The following COL23A1 variants were observed in gnomAD, a reference collection of about 807,000 sequenced individuals.
COL23A1 encodes collagen type XXIII alpha 1 chain, also known as collagen alpha-1(XXIII) chain.
A neutral mutation model predicts 99.3 loss-of-function variants in COL23A1; 97 were observed. That is an observed-to-expected ratio of 0.98 (90% CI 0.83 to 1.16). The LOEUF (loss-of-function observed/expected upper bound fraction) is 1.16. COL23A1 is among the 50% of genes most tolerant of loss of function. The probability of loss-of-function intolerance (pLI) is 0.00; values close to 1 mark genes in which losing one functional copy is unlikely to be tolerated. For synonymous variants in COL23A1, 320 were observed against 308.2 expected (o/e 1.04, Z -0.40); for missense variants, 762 against 757.4 (o/e 1.01, Z -0.07).
At chr5:178,336,894 A>G (rs1760351518) in intron 2 of COL23A1, among the ~76,000 whole-genome samples, 1 of 152,180 alleles carries the variant, frequency 6.6e-6, no homozygotes, top group Non-Finnish European at 1.5e-5. Context: ...AAAAAAGGCA[A>G]AGCTGAAACA....
chr5:178,407,381 C>T (rs563955704), intron 2 of COL23A1, among the ~76,000 whole-genome samples: 21 of 152,318 alleles, frequency 1.4e-4, no homozygotes, highest in Non-Finnish European at 2.9e-4. Context: ...CAAGATTTAA[C>T]AAAATCCAGA....
At chr5:178,587,680 A>T (rs903591720) in intron 1 of COL23A1, among the ~76,000 whole-genome samples, 2 of 152,198 alleles carry the variant, frequency 1.3e-5, no homozygotes, top group East Asian at 3.8e-4. Context: ...TTCAATATTT[A>T]TTTGGCTTTC....
intron 2 of COL23A1, among the ~76,000 whole-genome samples, chr5:178,414,786 A>T (rs556185570): frequency 6.6e-6 from 1 of 152,294 alleles, no homozygotes; most frequent in South Asian, 2.1e-4. Flanking sequence ...AAAAAAGGCA[A>T]CCAGGAAAGC....
intron 15 of COL23A1, 98 bp downstream of exon 15, chr5:178,256,255 C>T: frequency 2.6e-6 from 2 of 783,906 alleles, no homozygotes; most frequent in Non-Finnish European, 3.7e-6. Flanking sequence ...CCTGTAGCTC[C>T]ACTGCTCCTC....
At chr5:178,506,437 T>C (rs1457315919) in intron 2 of COL23A1, among the ~76,000 whole-genome samples, 1 of 151,894 alleles carries the variant, frequency 6.6e-6, no homozygotes, top group African/African-American at 2.4e-5. Context: ...GCAGAAGCCA[T>C]GGATATAGCC....
chr5:178,300,940 G>T (rs1373427582), intron 3 of COL23A1, among the ~76,000 whole-genome samples: 1 of 152,108 alleles, frequency 6.6e-6, no homozygotes. Flanking sequence ...TATCATCCTT[G>T]GAGTTTGTTG....
intron 3 of COL23A1, among the ~76,000 whole-genome samples, chr5:178,297,355 T>C (rs951183320): frequency 6.6e-6 from 1 of 152,142 alleles, no homozygotes; most frequent in Non-Finnish European, 1.5e-5. Flanking sequence ...AACCCATCTA[T>C]ACTAAAACAA....
intron 11 of COL23A1, among the ~76,000 whole-genome samples, chr5:178,261,518 G>A (rs190235614): frequency 5.0e-4 from 76 of 152,326 alleles, no homozygotes; most frequent in Admixed American, 3.9e-3. Flanking sequence ...GGCAGGAAAG[G>A]TTTACTGTGC....
intron 2 of COL23A1, among the ~76,000 whole-genome samples, chr5:178,485,706 TG>T (rs2127959635): frequency 7.2e-6 from 1 of 139,082 alleles, no homozygotes; most frequent in South Asian, 2.3e-4. Flanking sequence ...CACCTGAATC[TG>T]GGAGGTGGAG....
At chr5:178,532,871 A>G (rs893254423) in intron 2 of COL23A1, among the ~76,000 whole-genome samples, 1 of 152,186 alleles carries the variant, frequency 6.6e-6, no homozygotes, top group East Asian at 1.9e-4. Flanking sequence ...CCTACAAGCC[A>G]GGAAGAGAGG....
chr5:178,510,970 CT>C (rs1759173693), intron 2 of COL23A1, among the ~76,000 whole-genome samples: 1 of 152,086 alleles, frequency 6.6e-6, no homozygotes, highest in Admixed American at 6.5e-5. Context: ...TTATTTCACC[CT>C]AGGTAAGAAA....
chr5:178,573,794 C>T (rs925797877), intron 1 of COL23A1, among the ~76,000 whole-genome samples: 11 of 151,908 alleles, frequency 7.2e-5, no homozygotes, highest in Admixed American at 5.2e-4. Context: ...ATGAATAAAT[C>T]TCAAAAGCAC....
intron 2 of COL23A1, among the ~76,000 whole-genome samples, chr5:178,538,479 A>G (rs1385663328): frequency 6.6e-6 from 1 of 152,344 alleles, no homozygotes; most frequent in African/African-American, 2.4e-5. Flanking sequence ...TGCTTTCATA[A>G]AAGTTTCCAC....
chr5:178,356,281 C>T (rs1761646223), intron 2 of COL23A1, among the ~76,000 whole-genome samples: 1 of 152,190 alleles, frequency 6.6e-6, no homozygotes, highest in Admixed American at 6.5e-5. Flanking sequence ...GATTGTGATG[C>T]TGGCTGCACA....
chr5:178,463,253 T>A (rs1756225404), intron 2 of COL23A1, among the ~76,000 whole-genome samples: 1 of 152,266 alleles, frequency 6.6e-6, no homozygotes, highest in Admixed American at 6.5e-5. Flanking sequence ...AGGATTTCTT[T>A]CTATTCTTTC....
intron 2 of COL23A1, among the ~76,000 whole-genome samples, chr5:178,369,021 T>G (rs1025818851): frequency 6.6e-6 from 1 of 152,128 alleles, no homozygotes; most frequent in Non-Finnish European, 1.5e-5. Context: ...TTTAGCAAGC[T>G]CCCCGCACAC....
intron 2 of COL23A1, among the ~76,000 whole-genome samples, chr5:178,471,929 C>T (rs1486594932): frequency 6.6e-6 from 1 of 152,134 alleles, no homozygotes; most frequent in African/African-American, 2.4e-5. Context: ...GCTGTCGAAT[C>T]GTCAGTAAGA....
intron 2 of COL23A1, among the ~76,000 whole-genome samples, chr5:178,453,295 C>T (rs910506943): frequency 1.3e-5 from 2 of 152,212 alleles, no homozygotes; most frequent in African/African-American, 4.8e-5. Context: ...TGGAAACCAG[C>T]ATACACAGTG....
At chr5:178,537,418 G>C (rs576857968) in intron 2 of COL23A1, among the ~76,000 whole-genome samples, 36 of 152,370 alleles carry the variant, frequency 2.4e-4, no homozygotes, top group African/African-American at 8.4e-4. Flanking sequence ...GGTGGGGCTG[G>C]GTGAAGGGCA....
Sources: allele counts gnomAD v4.1 joint callset (sites outside exome capture counted in the v4.1 genomes callset), GRCh38; gene constraint gnomAD v4.1.1; transcripts MANE v1.5; gene names NCBI Gene and HGNC (gene_info 2026-07-23, HGNC 2026-07-21).